Variants in MCTP1 observed in about 807,000 individuals in gnomAD.
MCTP1 encodes multiple C2 and transmembrane domain-containing protein 1.
MCTP1 carries 69 observed loss-of-function variants against 120.6 expected under a neutral mutation model. The observed-to-expected ratio is 0.57, with a 90% CI of 0.47 to 0.70. MCTP1 has a LOEUF of 0.70. Ranked by LOEUF, MCTP1 falls within the 30% of genes least tolerant of loss-of-function variation. The pLI is 0.00. For synonymous variants in MCTP1, 529 were observed against 493.1 expected (o/e 1.07, Z -0.96); for missense variants, 1,203 against 1,248.8 (o/e 0.96, Z 0.55).
chr5:94,770,610 C>G (rs1302449045), intron 19 of MCTP1, among the ~76,000 whole-genome samples: 2 of 152,130 alleles, frequency 1.3e-5, no homozygotes, highest in Non-Finnish European at 2.9e-5. Context: ...AGATATCTAC[C>G]TAAACATTCC....
At position 94,921,364 on chromosome 5, in the gene MCTP1, C is replaced by T. The variant is rs534763458; in HGVS notation, c.1272+2598G>A. 1.6e-3 allele frequency among the ~76,000 whole-genome samples: 242 copies of T among 152,304 alleles called. 4 individuals carry two copies. The highest frequency in any genetic ancestry group is 5.7e-3 in the African/African-American group (236 of 41,560). ...GAAAATTAAGATACAGCAAGTAGCA[C>T]TGATGTTCCAGCTGAGCAAGTTTTT... is the stretch of plus-strand genomic sequence containing the variant. On this transcript the variant is annotated intron_variant, in intron 7 of 22. Coordinates refer to ENST00000515393, the MANE Select transcript of MCTP1 (RefSeq NM_024717.7).
At chr5:94,754,991 G>A (rs1389113223) in intron 19 of MCTP1, among the ~76,000 whole-genome samples, 1 of 152,074 alleles carries the variant, frequency 6.6e-6, no homozygotes, top group Non-Finnish European at 1.5e-5. Flanking sequence ...CCGTTTTGGC[G>A]ACCACACATT....
At chr5:94,884,296 C>T (rs1396278847) in intron 12 of MCTP1, among the ~76,000 whole-genome samples, 1 of 152,196 alleles carries the variant, frequency 6.6e-6, no homozygotes, top group Non-Finnish European at 1.5e-5. Flanking sequence ...AGATAAATGG[C>T]TCAATTAATT....
At chr5:95,221,564 A>G (rs954327436) in intron 1 of MCTP1, among the ~76,000 whole-genome samples, 1 of 152,252 alleles carries the variant, frequency 6.6e-6, no homozygotes, top group African/African-American at 2.4e-5. Flanking sequence ...AGAATAAAGC[A>G]GACTGACATC....
intron 11 of MCTP1, among the ~76,000 whole-genome samples, chr5:94,892,402 G>T (rs1196236586): frequency 6.6e-6 from 1 of 152,072 alleles, no homozygotes; most frequent in Non-Finnish European, 1.5e-5. Context: ...CTGTGACAAG[G>T]GGGAGCAAGG....
intron 1 of MCTP1, among the ~76,000 whole-genome samples, chr5:95,127,078 C>T (rs781483403): frequency 6.6e-6 from 1 of 152,060 alleles, no homozygotes; most frequent in African/African-American, 2.4e-5. Context: ...GAACATCATC[C>T]TTTTTGGTGA....
intron 17 of MCTP1, among the ~76,000 whole-genome samples, chr5:94,857,364 C>T (rs1794913245): frequency 6.6e-6 from 1 of 151,752 alleles, no homozygotes; most frequent in East Asian, 1.9e-4. Flanking sequence ...GGCATTTTTC[C>T]GTTTATAATC....
rs28581730 is a variant in MCTP1 at position 94,752,410 on chromosome 5, T to C, written c.2610+26700A>G. On this transcript the variant is annotated intron_variant, in intron 19 of 22. Transcript: ENST00000515393. ...TCGCCAGAGTATCCTGAAATAAGTATGCCCCTTGTACATACCTAAGTTCAG... is the reference window on the plus strand; with the variant it reads ...TCGCCAGAGTATCCTGAAATAAGTACGCCCCTTGTACATACCTAAGTTCAG... 9.0e-3 allele frequency among the ~76,000 whole-genome samples: 1,373 copies of C among 152,040 alleles called. 26 individuals are homozygous for C. The highest frequency in any genetic ancestry group is 0.032 in the African/African-American group (1,325 of 41,478).
rs186076563 is a variant in MCTP1, at chr5:95,192,094, C to G, written c.720+91762G>C. Among the ~76,000 whole-genome samples the G allele has an allele frequency of 3.9e-4, 60 of 152,010 alleles. 1 individual carries two copies. The East Asian group carries it at 6.2e-3, about 16-fold the overall frequency. On this transcript the variant is annotated intron_variant, in intron 1 of 22. Coordinates refer to ENST00000515393, the MANE Select transcript of MCTP1 (RefSeq NM_024717.7). Reference sequence around the variant, plus strand: ...CAAAATTTTCTTTATCATCCATACCCTGCTGCTACCTAAAATTGCATGCAC... The same window carrying G: ...CAAAATTTTCTTTATCATCCATACCGTGCTGCTACCTAAAATTGCATGCAC...
At chr5:94,717,628 G>T (rs1759809434) in intron 19 of MCTP1, among the ~76,000 whole-genome samples, 1 of 152,078 alleles carries the variant, frequency 6.6e-6, no homozygotes. Context: ...AAACCCTATT[G>T]TCTCAATCCT....
At chr5:95,186,305 T>A (rs1241756456) in intron 1 of MCTP1, among the ~76,000 whole-genome samples, 3 of 149,708 alleles carry the variant, frequency 2.0e-5, no homozygotes, top group Non-Finnish European at 3.0e-5. Context: ...CCAGACCTAA[T>A]AAGCAAGTTT....
chr5:94,973,214 A>G (rs2153579897), intron 2 of MCTP1, among the ~76,000 whole-genome samples: 1 of 152,326 alleles, frequency 6.6e-6, no homozygotes, highest in South Asian at 2.1e-4. Context: ...ATCCATTACA[A>G]GAGCTATTTG....
At chr5:95,187,421 A>T (rs1749329413) in intron 1 of MCTP1, among the ~76,000 whole-genome samples, 1 of 152,124 alleles carries the variant, frequency 6.6e-6, no homozygotes, top group South Asian at 2.1e-4. Flanking sequence ...TTGTTTTGAG[A>T]TGGAGTCTTG....
intron 1 of MCTP1, among the ~76,000 whole-genome samples, chr5:95,135,442 T>C (rs1759380344): frequency 6.6e-6 from 1 of 152,210 alleles, no homozygotes; most frequent in Admixed American, 6.5e-5. Context: ...GAGTGTCAAC[T>C]TGATTGGACT....
At chr5:94,871,471 C>T (rs1797850788) in intron 13 of MCTP1, 54 bp from the exon 14 acceptor site, 1 of 1,291,376 alleles carries the variant, frequency 7.7e-7, no homozygotes, top group African/African-American at 1.5e-5. Context: ...GAAACAACAA[C>T]AAGAATAGTT....
At chr5:94,889,152 T>A (rs547928038) in intron 11 of MCTP1, among the ~76,000 whole-genome samples, 180 bp from the exon 12 acceptor site, 1 of 152,204 alleles carries the variant, frequency 6.6e-6, no homozygotes, top group African/African-American at 2.4e-5. Context: ...AAATTGCATG[T>A]GCTAGCTGAG....
intron 19 of MCTP1, among the ~76,000 whole-genome samples, chr5:94,721,062 G>C (rs766111143): frequency 1.1e-4 from 17 of 152,156 alleles, no homozygotes; most frequent in African/African-American, 2.4e-4. Context: ...ATCCAGGAAG[G>C]TTTCAGTTCC....
chr5:94,972,072 C>T (rs1258361618), intron 2 of MCTP1, among the ~76,000 whole-genome samples: 2 of 152,082 alleles, frequency 1.3e-5, no homozygotes, highest in Non-Finnish European at 2.9e-5. Context: ...GGTCTCTCTG[C>T]CTTCCTTCAA....
At chr5:94,733,340 T>TA (rs1433994163) in intron 19 of MCTP1, among the ~76,000 whole-genome samples, 1 of 152,160 alleles carries the variant, frequency 6.6e-6, no homozygotes, top group Non-Finnish European at 1.5e-5. Context: ...CATACTAATG[T>TA]AATAAGTTAT....
Sources: allele counts gnomAD v4.1 joint callset (sites outside exome capture counted in the v4.1 genomes callset), GRCh38; gene constraint gnomAD v4.1.1; transcripts MANE v1.5; gene names NCBI Gene and HGNC (gene_info 2026-07-23, HGNC 2026-07-21).